SUPT3H: variants seen among roughly 807,000 people sequenced by gnomAD.
The protein encoded by SUPT3H is transcription initiation protein SPT3 homolog.
In SUPT3H, 44 loss-of-function variants were observed where a neutral mutation model predicts 44.3. The ratio of observed to expected loss-of-function variants is 0.99; its 90% confidence interval spans 0.78 to 1.28. The LOEUF (loss-of-function observed/expected upper bound fraction) is 1.28. Ranked by LOEUF, SUPT3H falls within the 50% of genes most tolerant of loss-of-function variation. The pLI is 0.00. For missense variants in SUPT3H, 380 were observed against 387.1 expected (o/e 0.98, Z 0.15); for synonymous variants, 124 against 125.6 (o/e 0.99, Z 0.09).
chr6:44,818,609 GACAA>G (rs1242415480), intron 11 of SUPT3H, among the ~76,000 whole-genome samples: 2 of 152,084 alleles, frequency 1.3e-5, no homozygotes, highest in African/African-American at 4.8e-5. Context: ...ATTGTAAAGA[GACAA>G]ACAACCATGT....
At chr6:44,889,595 TTA>T (rs1762940396) in intron 10 of SUPT3H, among the ~76,000 whole-genome samples, 1 of 152,158 alleles carries the variant, frequency 6.6e-6, no homozygotes, top group Non-Finnish European at 1.5e-5. Flanking sequence ...TCCTTACGCC[TTA>T]TACAAAAATT....
rs142799370 is a variant in SUPT3H at position 45,312,042 on chromosome 6, G to T, written c.101+53159C>A. 2.8e-3 allele frequency among the ~76,000 whole-genome samples: 424 copies of T among 152,226 alleles called. 2 individuals are homozygous for T. The highest frequency in any genetic ancestry group is 9.6e-3 in the African/African-American group (398 of 41,524). On this transcript the variant is annotated intron_variant, in intron 2 of 10. Transcript: ENST00000371459. ...TATAACATACAGAATTGCAGAATAG[G>T]TAAGAACTCACCAACCAATTATCTG...
At chr6:45,073,185 CAT>C (rs1794612854) in intron 3 of SUPT3H, among the ~76,000 whole-genome samples, 1 of 152,030 alleles carries the variant, frequency 6.6e-6, no homozygotes, top group South Asian at 2.1e-4. Context: ...GTCATTCAAA[CAT>C]ATGTGTCTAT....
intron 2 of SUPT3H, among the ~76,000 whole-genome samples, chr6:45,184,808 A>C: frequency 6.8e-6 from 1 of 146,400 alleles, no homozygotes; most frequent in Non-Finnish European, 1.5e-5. Context: ...AAAAAACTCC[A>C]AGGAAAGCCT....
At chr6:44,909,233 G>T in intron 10 of SUPT3H, among the ~76,000 whole-genome samples, 1 of 149,670 alleles carries the variant, frequency 6.7e-6, no homozygotes. Flanking sequence ...TCCATATTTG[G>T]GTGTATTTCT....
At chr6:45,098,912 G>T in intron 3 of SUPT3H, 1 of 529,620 alleles carries the variant, frequency 1.9e-6, no homozygotes, top group South Asian at 1.4e-5. Flanking sequence ...AACATAAAAT[G>T]GGGAAGATCC....
intron 2 of SUPT3H, among the ~76,000 whole-genome samples, chr6:45,183,554 C>A (rs568855659): frequency 6.6e-6 from 1 of 152,122 alleles, no homozygotes. Flanking sequence ...CCAGCTCTTG[C>A]GTGAACTCAG....
chr6:44,823,152 TTA>T (rs1457092088), downstream of SUPT3H, among the ~76,000 whole-genome samples: 1 of 151,802 alleles, frequency 6.6e-6, no homozygotes, highest in East Asian at 1.9e-4. Context: ...CCACAAATGT[TTA>T]TGAGTATCTG....
chr6:45,176,925 G>A (rs571478565), intron 2 of SUPT3H, among the ~76,000 whole-genome samples: 1 of 152,108 alleles, frequency 6.6e-6, no homozygotes, highest in South Asian at 2.1e-4. Flanking sequence ...CTGTACATCA[G>A]CATCATCAAA....
At chr6:44,818,126 A>T (rs1767028046) in intron 11 of SUPT3H, among the ~76,000 whole-genome samples, 1 of 152,176 alleles carries the variant, frequency 6.6e-6, no homozygotes, top group Admixed American at 6.5e-5. Flanking sequence ...ATGGAACAAA[A>T]CAGGATGCAA....
intron 3 of SUPT3H, among the ~76,000 whole-genome samples, chr6:45,101,356 C>T (rs1583542429): frequency 6.6e-6 from 1 of 152,138 alleles, no homozygotes; most frequent in Non-Finnish European, 1.5e-5. Flanking sequence ...ACCCGGGAGG[C>T]GGAGGTTGCG....
At chr6:44,836,268 C>A (rs1769861889) in intron 10 of SUPT3H, among the ~76,000 whole-genome samples, 1 of 152,142 alleles carries the variant, frequency 6.6e-6, no homozygotes, top group Non-Finnish European at 1.5e-5. Context: ...TCTGATATTT[C>A]AGAGGACCTA....
In SUPT3H at chr6:44,891,328, C is replaced by A. The variant is rs192916966; in HGVS notation, c.912+41325G>T. 4.4e-4 allele frequency among the ~76,000 whole-genome samples: 67 copies of A among 152,064 alleles called. 1 individual carries two copies. The highest frequency in any genetic ancestry group is 3.1e-4 in the Non-Finnish European group (21 of 67,970). On this transcript the variant is annotated intron_variant, in intron 10 of 10. Coordinates refer to ENST00000371459, the MANE Select transcript of SUPT3H (RefSeq NM_003599.4). ...GATACTGGTACACCAATATTCACGGCCACATTATTCACAATAGCCAATAGA... is the reference window on the plus strand; with the variant it reads ...GATACTGGTACACCAATATTCACGGACACATTATTCACAATAGCCAATAGA...
At chr6:44,943,979 C>CT (rs575588606) in intron 9 of SUPT3H, among the ~76,000 whole-genome samples, 30 of 151,890 alleles carry the variant, frequency 2.0e-4, no homozygotes, top group Non-Finnish European at 4.0e-4. Flanking sequence ...ACAATAAGCT[C>CT]TTTTTTTTAG....
chr6:44,909,985 A>G lies in SUPT3H; in HGVS notation c.912+22668T>C, dbSNP rs183724978. On this transcript the variant is annotated intron_variant, in intron 10 of 10. Transcript: ENST00000371459. ...TAGCGCTTTTGGAAAGTATTTGGACAATACATACCAAAAGTCTTAAAGTGT... is the reference window on the plus strand; with the variant it reads ...TAGCGCTTTTGGAAAGTATTTGGACGATACATACCAAAAGTCTTAAAGTGT... 2.4e-3 allele frequency among the ~76,000 whole-genome samples: 367 copies of G among 152,318 alleles called. 1 individual carries two copies. The highest frequency in any genetic ancestry group is 6.6e-3 in the South Asian group (32 of 4,826).
intron 2 of SUPT3H, among the ~76,000 whole-genome samples, chr6:45,311,429 G>A (rs1169241778): frequency 6.6e-6 from 1 of 152,146 alleles, no homozygotes; most frequent in Admixed American, 6.5e-5. Flanking sequence ...CCTTGCTAGA[G>A]ACCTAGACAT....
intron 10 of SUPT3H, among the ~76,000 whole-genome samples, chr6:44,839,904 G>T (rs186842094): frequency 6.6e-6 from 1 of 152,212 alleles, no homozygotes; most frequent in East Asian, 1.9e-4. Flanking sequence ...GTTTCACCGT[G>T]TTAGCCAGGA....
At chr6:44,868,864 C>A (rs867692639) in intron 10 of SUPT3H, among the ~76,000 whole-genome samples, 1 of 152,222 alleles carries the variant, frequency 6.6e-6, no homozygotes, top group Non-Finnish European at 1.5e-5. Context: ...GCTGCAGTCA[C>A]GGAATACCAT....
intron 10 of SUPT3H, among the ~76,000 whole-genome samples, chr6:44,920,079 T>C (rs1399861830): frequency 6.6e-6 from 1 of 151,992 alleles, no homozygotes; most frequent in Non-Finnish European, 1.5e-5. Context: ...AGGGTTTCAC[T>C]GTGTTAGCCA....
Sources: allele counts gnomAD v4.1 joint callset (sites outside exome capture counted in the v4.1 genomes callset), GRCh38; gene constraint gnomAD v4.1.1; transcripts MANE v1.5; gene names NCBI Gene and HGNC (gene_info 2026-07-23, HGNC 2026-07-21).